Variants in AGBL4 observed in about 807,000 individuals in gnomAD.
The protein encoded by AGBL4 is cytosolic carboxypeptidase 6.
AGBL4 carries 58 observed loss-of-function variants against 66.4 expected under a neutral mutation model. The observed-to-expected ratio is 0.87, with a 90% CI of 0.71 to 1.09. AGBL4 has a LOEUF of 1.09. Among genes scored for constraint, AGBL4 ranks in the 50% least tolerant of loss-of-function variants. The probability of loss-of-function intolerance (pLI) is 0.00; values close to 1 mark genes in which losing one functional copy is unlikely to be tolerated. For synonymous variants in AGBL4, 234 were observed against 222.9 expected, an observed-to-expected ratio of 1.05 and a Z score of -0.44; for missense variants, 579 against 631.0, an observed-to-expected ratio of 0.92 and a Z score of 0.88.
At chr1:49,376,274 T>C (rs1402887962) in intron 3 of AGBL4, among the ~76,000 whole-genome samples, 1 of 152,034 alleles carries the variant, frequency 6.6e-6, no homozygotes. Context: ...TTTGTACTCC[T>C]CTCAGCCTGC....
At chr1:49,483,570 C>T (rs1647000909) in intron 3 of AGBL4, among the ~76,000 whole-genome samples, 1 of 151,606 alleles carries the variant, frequency 6.6e-6, no homozygotes, top group South Asian at 2.1e-4. Flanking sequence ...AAAATTAAAC[C>T]CCTATCTCTC....
In AGBL4 at chr1:49,903,685, A is replaced by G. The variant is rs181064700; in HGVS notation, c.35-52167T>C. On this transcript the variant is annotated intron_variant, in intron 1 of 13. Transcript: ENST00000371839. ...TACAGATATTGGCAAATAACTGTCCATATTTGGTGTTCAAGAAATACTCAT... is the reference window on the plus strand; with the variant it reads ...TACAGATATTGGCAAATAACTGTCCGTATTTGGTGTTCAAGAAATACTCAT... 1.9e-3 allele frequency among the ~76,000 whole-genome samples: 284 copies of G among 152,274 alleles called. 2 individuals are homozygous for G. Among genetic ancestry groups the G allele is most frequent in the African/African-American group, 6.5e-3 (269 of 41,554 alleles).
At chr1:48,591,098 C>T (rs12138134) in intron 9 of AGBL4, 113 bp from the exon 10 acceptor site, 17 of 663,294 alleles carry the variant, frequency 2.6e-5, no homozygotes, top group Non-Finnish European at 4.0e-5. Context: ...CCACCCCCCC[C>T]CACACACACA....
Position 49,796,377 on chromosome 1 carries a change from AT to A in AGBL4, c.157+55018del, listed in dbSNP as rs554687391. Among the ~76,000 whole-genome samples, 558 of 151,942 alleles carry A rather than the reference AT, an allele frequency of 3.7e-3. 4 individuals are homozygous for A. Among genetic ancestry groups the A allele is most frequent in the African/African-American group, 0.013 (521 of 41,554 alleles). On this transcript the variant is annotated intron_variant, in intron 2 of 13. Coordinates refer to ENST00000371839, the MANE Select transcript of AGBL4 (RefSeq NM_032785.4). Reference sequence around the variant, plus strand: ...AATGAGGAGAAATGAAGACAAAAAAATGTATGAAGATACCAAATGCAACATT... The same window carrying A: ...AATGAGGAGAAATGAAGACAAAAAAAGTATGAAGATACCAAATGCAACATT...
chr1:49,792,700 C>A (rs1013119240), intron 2 of AGBL4, among the ~76,000 whole-genome samples: 14 of 151,968 alleles, frequency 9.2e-5, no homozygotes, highest in African/African-American at 3.4e-4. Context: ...TTAAAATGCT[C>A]TTGTCACTGG....
rs192707169 is a variant in AGBL4, at chr1:49,516,163, G to A, written c.282+181150C>T. 1.1e-3 allele frequency among the ~76,000 whole-genome samples: 167 copies of A among 151,974 alleles called. 1 individual carries two copies. Among genetic ancestry groups the A allele is most frequent in the African/African-American group, 4.0e-3 (164 of 41,494 alleles). On this transcript the variant is annotated intron_variant, in intron 3 of 13. Transcript: ENST00000371839. ...GGAGCTAGCTCTAGCCCTGATGCTGGGATACAGAAATGGATATGACAGTGT... is the reference window on the plus strand; with the variant it reads ...GGAGCTAGCTCTAGCCCTGATGCTGAGATACAGAAATGGATATGACAGTGT...
intron 6 of AGBL4, among the ~76,000 whole-genome samples, chr1:48,729,577 C>T (rs991728152): frequency 6.6e-6 from 1 of 152,080 alleles, no homozygotes; most frequent in African/African-American, 2.4e-5. Flanking sequence ...CTAACTTGTG[C>T]TAACCTTTCC....
intron 5 of AGBL4, among the ~76,000 whole-genome samples, chr1:49,018,017 C>T (rs1299556877): frequency 1.3e-5 from 2 of 152,072 alleles, no homozygotes; most frequent in Non-Finnish European, 2.9e-5. Context: ...CATGACAAGC[C>T]GAGGAGCTGC....
intron 6 of AGBL4, chr1:48,758,991 G>A: frequency 6.2e-7 from 1 of 1,613,802 alleles, no homozygotes; most frequent in Admixed American, 1.7e-5. Flanking sequence ...CGTACTCCTT[G>A]AGCTTCTTGG....
intron 3 of AGBL4, among the ~76,000 whole-genome samples, chr1:49,260,195 A>T (rs1161433895): frequency 6.6e-6 from 1 of 152,010 alleles, no homozygotes; most frequent in Non-Finnish European, 1.5e-5. Flanking sequence ...AATGCCCACA[A>T]GAGAAAGCAG....
chr1:48,634,677 T>A, intron 8 of AGBL4, 73 bp from the exon 9 acceptor site: 2 of 1,050,264 alleles, frequency 1.9e-6, no homozygotes, highest in Non-Finnish European at 2.8e-6. Flanking sequence ...AATATGCTTA[T>A]GAGTAGGAGC....
intron 3 of AGBL4, among the ~76,000 whole-genome samples, chr1:49,336,701 T>C (rs947237932): frequency 6.6e-6 from 1 of 152,262 alleles, no homozygotes; most frequent in Non-Finnish European, 1.5e-5. Flanking sequence ...GGCCTCAGTC[T>C]CTATACTTTG....
intron 6 of AGBL4, among the ~76,000 whole-genome samples, chr1:48,743,123 T>C (rs1650183183): frequency 1.3e-5 from 2 of 152,170 alleles, no homozygotes; most frequent in African/African-American, 2.4e-5. Context: ...TACTGAAATA[T>C]GCAAATCGTG....
intron 5 of AGBL4, among the ~76,000 whole-genome samples, chr1:49,041,729 T>C (rs2149050680): frequency 6.6e-6 from 1 of 152,270 alleles, no homozygotes; most frequent in African/African-American, 2.4e-5. Context: ...GGTATGTGTG[T>C]TGTGTTGAAT....
chr1:48,858,938 A>G (rs1558045155), intron 6 of AGBL4, among the ~76,000 whole-genome samples: 1 of 152,166 alleles, frequency 6.6e-6, no homozygotes, highest in Non-Finnish European at 1.5e-5. Context: ...TTAGTCATTG[A>G]AAAATATTCA....
chr1:49,124,705 G>C (rs1384239972), intron 4 of AGBL4, among the ~76,000 whole-genome samples: 1 of 152,180 alleles, frequency 6.6e-6, no homozygotes, highest in East Asian at 1.9e-4. Context: ...ATTAACTGTA[G>C]ATAAAGTAGC....
chr1:49,813,806 A>C (rs1645165594), intron 2 of AGBL4, among the ~76,000 whole-genome samples: 1 of 152,144 alleles, frequency 6.6e-6, no homozygotes. Context: ...ATATGGAAAG[A>C]GAGTACTTGA....
At chr1:49,830,228 C>T (rs1645628941) in intron 2 of AGBL4, among the ~76,000 whole-genome samples, 1 of 152,150 alleles carries the variant, frequency 6.6e-6, no homozygotes, top group Non-Finnish European at 1.5e-5. Flanking sequence ...TTTACACTCC[C>T]ACCAACAGTG....
At chr1:49,473,608 T>G (rs1256590909) in intron 3 of AGBL4, among the ~76,000 whole-genome samples, 2 of 152,092 alleles carry the variant, frequency 1.3e-5, no homozygotes, top group African/African-American at 2.4e-5. Context: ...TGATAGTTTA[T>G]TTTGCTGTGA....
Sources: allele counts gnomAD v4.1 joint callset (sites outside exome capture counted in the v4.1 genomes callset), GRCh38; gene constraint gnomAD v4.1.1; transcripts MANE v1.5; gene names NCBI Gene and HGNC (gene_info 2026-07-23, HGNC 2026-07-21).